Variants in TJP1 observed in about 807,000 individuals in gnomAD.
TJP1 encodes tight junction protein 1.
Under a neutral mutation model 194.2 loss-of-function variants are expected in TJP1, and 43 were observed. The observed-to-expected ratio is 0.22, with a 90% CI of 0.17 to 0.29. TJP1 has a LOEUF of 0.29. Among genes scored for constraint, TJP1 ranks in the 10% least tolerant of loss-of-function variants. The pLI is 1.00. For missense variants in TJP1, 1,971 were observed against 2,185.7 expected (o/e 0.90, Z 1.96); for synonymous variants, 801 against 779.0 (o/e 1.03, Z -0.47).
rs759835625 is a variant in TJP1, at chr15:29,718,731, A to G, written c.3411T>C (p.Pro1137=). The change falls in exon 21 of 28, where the codon CCT becomes CCC. Residue 1137 remains proline (P), a synonymous_variant. Coordinates refer to ENST00000614355, the MANE Select transcript of TJP1 (RefSeq NM_001330239.4). The part of the protein sequence containing the change: ...GYFPRFEEPA[P]LSYDSRPRYE... ...AACGTGGTCTGCTGTCGTAAGACAG[A>G]GGGGCTGGCTCTTCAAAACGTGGAA... 1 of 1,614,064 alleles carries G rather than the reference A, an allele frequency of 6.2e-7. No individual in the cohort carries two copies.
At chr15:29,722,503 A>G (rs2042990466) in intron 18 of TJP1, among the ~76,000 whole-genome samples, 1 of 151,270 alleles carries the variant, frequency 6.6e-6, no homozygotes, top group South Asian at 2.1e-4. Context: ...CTCTGCCTAG[A>G]TTTCAGAGGA....
intron 2 of TJP1, among the ~76,000 whole-genome samples, chr15:29,935,688 C>T (rs150090726): frequency 3.9e-4 from 59 of 152,256 alleles, no homozygotes; most frequent in African/African-American, 1.3e-3. Flanking sequence ...TAGGCCAAGG[C>T]TCTTGTGTTG....
At position 29,749,504 on chromosome 15, in the gene TJP1, G is replaced by T. The variant is rs142912288; in HGVS notation, c.1011-6723C>A. 3.4e-3 allele frequency among the ~76,000 whole-genome samples: 523 copies of T among 152,254 alleles called. 2 individuals carry two copies. The highest frequency in any genetic ancestry group is 5.4e-3 in the Non-Finnish European group (368 of 68,018). ...CAGCATGGTCAGTACAGGGTCCTGG[G>T]GAGACGCTGTAGGAGAGAAGGTGCA... On this transcript the variant is annotated intron_variant, in intron 8 of 27. Coordinates refer to ENST00000614355, the MANE Select transcript of TJP1 (RefSeq NM_001330239.4).
chr15:29,947,848 G>A (rs2055336301), intron 2 of TJP1, among the ~76,000 whole-genome samples: 1 of 152,182 alleles, frequency 6.6e-6, no homozygotes, highest in Admixed American at 6.5e-5. Context: ...TAAAACGAGG[G>A]CAGCCTGGAA....
chr15:29,872,768 G>A (rs2052570876), intron 2 of TJP1, among the ~76,000 whole-genome samples: 1 of 152,270 alleles, frequency 6.6e-6, no homozygotes, highest in African/African-American at 2.4e-5. Context: ...AGGGCTTGGT[G>A]TCCCCTCTTT....
chr15:29,913,591 T>C (rs1331644606), intron 2 of TJP1, among the ~76,000 whole-genome samples: 1 of 152,164 alleles, frequency 6.6e-6, no homozygotes, highest in Non-Finnish European at 1.5e-5. Context: ...CAGCAGGAGT[T>C]AAGTTTGCAG....
Position 29,949,394 on chromosome 15 carries a change from ACCACCT to A in TJP1, c.306+6832_306+6837del, listed in dbSNP as rs1160840147. Among the ~76,000 whole-genome samples, 19 of 128,954 alleles carry A rather than the reference ACCACCT, an allele frequency of 1.5e-4. No individual in the cohort carries two copies. The Admixed American group carries it at 1.5e-3, about 10-fold the overall frequency. 84.6% of individuals were successfully genotyped at this position (128,954 alleles called of 152,430 possible). ...CTTCACCACTGCTACCTCCACCACC[ACCACCT>A]CCACAACCACCACCTCTACCTCCAC... On this transcript the variant is annotated intron_variant, in intron 2 of 28. Coordinates refer to the TJP1 transcript ENST00000356107.
intron 2 of TJP1, among the ~76,000 whole-genome samples, chr15:29,835,913 G>C (rs1043339876): frequency 1.3e-5 from 2 of 152,068 alleles, no homozygotes; most frequent in Admixed American, 6.6e-5. Flanking sequence ...GAGACAGAGA[G>C]AGACAGAGAG....
Position 29,773,307 on chromosome 15 carries a change from A to T in TJP1, c.135T>A (p.Pro45=), listed in dbSNP as rs2046809247. The change falls in exon 3 of 28, where the codon CCT becomes CCA. Residue 45 remains proline (P), a synonymous_variant. Coordinates refer to ENST00000614355, the MANE Select transcript of TJP1 (RefSeq NM_001330239.4). The stretch of plus-strand genomic sequence containing the variant: ...TTGACGTTTCCCCACTCTGAAAATG[A>T]GGATTATCTCGTCCACCAGATATTG... ...GIAISGGRDN[P]HFQSGETSIV... The T allele has an allele frequency of 6.2e-7, 1 of 1,613,910 alleles. No homozygotes were observed. The highest frequency in any genetic ancestry group is 8.5e-7 in the Non-Finnish European group (1 of 1,179,924).
chr15:29,700,081 C>A (rs1212310522), downstream of TJP1: 1 of 390,462 alleles, frequency 2.6e-6, no homozygotes, highest in Admixed American at 4.5e-5. Flanking sequence ...GATTTGTGTG[C>A]AGGATTTTAA....
intron 2 of TJP1, among the ~76,000 whole-genome samples, chr15:29,934,727 G>C (rs146734456): frequency 7.4e-4 from 113 of 152,274 alleles, no homozygotes; most frequent in Non-Finnish European, 1.5e-4. Context: ...CATAACTAAA[G>C]CCTACAACTG....
chr15:29,741,460 G>T, intron 9 of TJP1, 24 bp from the exon 10 acceptor site: 1 of 1,502,218 alleles, frequency 6.7e-7, no homozygotes, highest in Non-Finnish European at 9.2e-7. Flanking sequence ...AATTGAGTAG[G>T]ACTCACTTTA....
Position 29,718,737 on chromosome 15 carries a change from T to C in TJP1, c.3405A>G (p.Pro1135=), listed in dbSNP as rs2042739344. Residue 1135 remains proline (P), a synonymous_variant, in exon 21 of 28, where the codon CCA becomes CCG. Coordinates refer to ENST00000614355, the MANE Select transcript of TJP1 (RefSeq NM_001330239.4). ...GTCTGCTGTCGTAAGACAGAGGGGC[T>C]GGCTCTTCAAAACGTGGAAAGTACC... ...ERGYFPRFEE[P]APLSYDSRPR... The C allele has an allele frequency of 6.2e-7, 1 of 1,614,170 alleles. No individual in the cohort carries two copies. The highest frequency in any genetic ancestry group is 8.5e-7 in the Non-Finnish European group (1 of 1,180,034).
chr15:29,742,474 T>A (rs181856535), intron 9 of TJP1, among the ~76,000 whole-genome samples, 168 bp downstream of exon 9: 1 of 152,350 alleles, frequency 6.6e-6, no homozygotes, highest in Non-Finnish European at 1.5e-5. Context: ...GAAAGGCAAC[T>A]GATTTGTGCC....
chr15:29,744,681 G>C (rs1344529058), intron 8 of TJP1, among the ~76,000 whole-genome samples: 1 of 151,816 alleles, frequency 6.6e-6, no homozygotes, highest in Non-Finnish European at 1.5e-5. Flanking sequence ...AATATAAAAA[G>C]CTCTCTAATT....
At chr15:29,706,909 C>T (rs1020427706) in intron 25 of TJP1, among the ~76,000 whole-genome samples, 3 of 152,112 alleles carry the variant, frequency 2.0e-5, no homozygotes, top group Non-Finnish European at 4.4e-5. Context: ...CCCGCCTCAA[C>T]CTCCGAAAGT....
intron 8 of TJP1, 112 bp from the exon 9 acceptor site, chr15:29,742,893 T>A: frequency 1.1e-6 from 1 of 910,626 alleles, no homozygotes; most frequent in Non-Finnish European, 1.5e-6. Context: ...GACAACCTGC[T>A]CTAACAGATA....
chr15:29,767,762 T>G (rs1049553907), intron 4 of TJP1, among the ~76,000 whole-genome samples: 2 of 152,142 alleles, frequency 1.3e-5, no homozygotes, highest in African/African-American at 4.8e-5. Flanking sequence ...TCCTAAATTT[T>G]TTCAGTATTT....
chr15:29,903,546 G>A (rs1224376617), intron 2 of TJP1, among the ~76,000 whole-genome samples: 4 of 152,010 alleles, frequency 2.6e-5, no homozygotes, highest in Admixed American at 6.5e-5. Flanking sequence ...CCGGGTTCAC[G>A]CCATTCTCCT....
Sources: allele counts gnomAD v4.1 joint callset (sites outside exome capture counted in the v4.1 genomes callset), GRCh38; gene constraint gnomAD v4.1.1; transcripts MANE v1.5; gene names NCBI Gene and HGNC (gene_info 2026-07-23, HGNC 2026-07-21).